SLC38A8: variants seen among roughly 807,000 people sequenced by gnomAD.
SLC38A8 encodes solute carrier family 38 member 8.
SLC38A8 carries 65 observed loss-of-function variants against 46.0 expected under a neutral mutation model. The ratio of observed to expected loss-of-function variants is 1.41; its 90% CI spans 1.16 to 1.74. The LOEUF is 1.74. SLC38A8 is among the 40% of genes most tolerant of loss of function. The pLI is 0.00. For missense variants in SLC38A8, 998 were observed against 567.9 expected (o/e 1.76, Z -7.70); for synonymous variants, 447 against 243.7 (o/e 1.83, Z -7.77).
intron 1 of SLC38A8, among the ~76,000 whole-genome samples, 163 bp downstream of exon 1, chr16:84,042,388 C>T (rs1367495363): frequency 6.6e-6 from 1 of 152,098 alleles, no homozygotes; most frequent in Non-Finnish European, 1.5e-5. Context: ...CTCCTGCCCT[C>T]CCACTAGACC....
chr16:84,014,991 G>C (rs961506393), intron 9 of SLC38A8, among the ~76,000 whole-genome samples: 15 of 152,118 alleles, frequency 9.9e-5, no homozygotes, highest in Non-Finnish European at 2.1e-4. Flanking sequence ...GCCTCTACCT[G>C]TGCTTTCTGT....
At chr16:84,028,665 A>G (rs961687467) in intron 6 of SLC38A8, among the ~76,000 whole-genome samples, 8 of 151,292 alleles carry the variant, frequency 5.3e-5, no homozygotes, top group Non-Finnish European at 1.2e-4. Context: ...CAGAGGACTG[A>G]GCCCAGGCCC....
At chr16:84,040,747 C>T (rs933986462) in intron 2 of SLC38A8, among the ~76,000 whole-genome samples, 1 of 152,226 alleles carries the variant, frequency 6.6e-6, no homozygotes, top group Admixed American at 6.5e-5. Flanking sequence ...GGCTTCCGAC[C>T]ACGCCATGTC....
chr16:84,013,413 G>C (rs1048050858), intron 9 of SLC38A8, among the ~76,000 whole-genome samples: 1 of 122,078 alleles, frequency 8.2e-6, no homozygotes, highest in African/African-American at 3.6e-5. Context: ...ACTTTCTTTT[G>C]TTGTGTGTGT....
intron 5 of SLC38A8, among the ~76,000 whole-genome samples, chr16:84,031,416 T>C (rs1256017092): frequency 6.6e-6 from 1 of 152,134 alleles, no homozygotes; most frequent in Admixed American, 6.5e-5. Flanking sequence ...TCCCAACTCA[T>C]CCAGAGCAAA....
intron 6 of SLC38A8, among the ~76,000 whole-genome samples, chr16:84,024,684 G>A (rs909434938): frequency 1.3e-5 from 2 of 152,066 alleles, no homozygotes; most frequent in Non-Finnish European, 2.9e-5. Context: ...GGGAGGCTAA[G>A]GCAGGAGAGT....
chr16:84,020,304 C>T (rs889591009), intron 7 of SLC38A8, among the ~76,000 whole-genome samples: 2 of 152,162 alleles, frequency 1.3e-5, no homozygotes, highest in African/African-American at 4.8e-5. Flanking sequence ...CCACTATGTT[C>T]TGCTCATTTA....
rs2151111700 is a variant in SLC38A8 at position 84,013,027 on chromosome 16, A to G, written c.1188T>C (p.Gly396=). The G allele has an allele frequency of 6.2e-7, 1 of 1,614,162 alleles. No homozygotes were observed. The highest frequency in any genetic ancestry group is 8.5e-7 in the Non-Finnish European group (1 of 1,180,000). The change falls in exon 10 of 11, where the codon GGT becomes GGC. Residue 396 remains glycine, a synonymous_variant. Coordinates refer to ENST00000299709, the MANE Select transcript of SLC38A8 (RefSeq NM_001080442.3). ...FPGLCLICAM[G]VEPIGPRVKC... Reference sequence around the variant, plus strand: ...TGACTCTTGGTCCTATAGGCTCGACACCCATTGCACAGATGAGGCACAAAC... The same window carrying G: ...TGACTCTTGGTCCTATAGGCTCGACGCCCATTGCACAGATGAGGCACAAAC...
chr16:84,024,922 C>G (rs970039295), intron 6 of SLC38A8, among the ~76,000 whole-genome samples: 1 of 152,090 alleles, frequency 6.6e-6, no homozygotes, highest in African/African-American at 2.4e-5. Flanking sequence ...CTCAAGTGAT[C>G]CTCCCACCTC....
chr16:84,032,829 A>G (rs997630108), intron 4 of SLC38A8, among the ~76,000 whole-genome samples: 1 of 136,620 alleles, frequency 7.3e-6, no homozygotes, highest in Non-Finnish European at 1.7e-5. Flanking sequence ...CCACAAAAAA[A>G]CAACCTCTGT....
At chr16:84,027,372 C>T (rs2085176807) in intron 6 of SLC38A8, among the ~76,000 whole-genome samples, 1 of 150,142 alleles carries the variant, frequency 6.7e-6, no homozygotes, top group South Asian at 2.1e-4. Flanking sequence ...AACAAACAAA[C>T]AAACAAACAA....
intron 4 of SLC38A8, among the ~76,000 whole-genome samples, chr16:84,032,356 T>C (rs1026376800): frequency 6.6e-6 from 1 of 152,166 alleles, no homozygotes; most frequent in African/African-American, 2.4e-5. Flanking sequence ...GCCTCGCTAA[T>C]TTTTGTACTT....
chr16:84,024,998 C>T (rs1001553577), intron 6 of SLC38A8, among the ~76,000 whole-genome samples: 5 of 152,192 alleles, frequency 3.3e-5, no homozygotes, highest in African/African-American at 1.2e-4. Context: ...TTTTTTAACG[C>T]AAAACATACA....
chr16:84,017,459 T>C lies in SLC38A8; in HGVS notation c.806-172A>G, dbSNP rs2085044384. On this transcript the variant is annotated intron_variant, in intron 7 of 10. Transcript: ENST00000299709. ...TTCCTGTCCTAAGCCTACACATGACTGTGCTCCAGGGATTCAAGACCCCTG... is the reference window on the plus strand; with the variant it reads ...TTCCTGTCCTAAGCCTACACATGACCGTGCTCCAGGGATTCAAGACCCCTG... 3.3e-5 allele frequency among the ~76,000 whole-genome samples: 5 copies of C among 152,334 alleles called. No individual in the cohort carries two copies. The South Asian group carries it at 1.0e-3, about 32-fold the overall frequency.
At chr16:84,032,056 C>A (rs1048635260) in intron 4 of SLC38A8, 88 bp from the exon 5 acceptor site, 8 of 1,149,422 alleles carry the variant, frequency 7.0e-6, no homozygotes, top group Middle Eastern at 1.9e-4. Flanking sequence ...AATCCCAGCT[C>A]CGCCCTTGAC....
chr16:84,029,702 T>A, intron 5 of SLC38A8, 151 bp from the exon 6 acceptor site: 3 of 719,194 alleles, frequency 4.2e-6, no homozygotes, highest in South Asian at 1.8e-5. Context: ...TGACCGGGCT[T>A]TTGGAAATGG....
At chr16:84,033,212 C>G in intron 4 of SLC38A8, 116 bp downstream of exon 4, 1 of 1,419,392 alleles carries the variant, frequency 7.0e-7, no homozygotes, top group African/African-American at 1.4e-5. Context: ...TTCGTTTTCC[C>G]CTTCTCCAAA....
At chr16:84,014,736 G>A (rs1030150561) in intron 9 of SLC38A8, among the ~76,000 whole-genome samples, 1 of 152,218 alleles carries the variant, frequency 6.6e-6, no homozygotes, top group African/African-American at 2.4e-5. Flanking sequence ...GGCAGGTACG[G>A]TTAGATTCTC....
intron 3 of SLC38A8, among the ~76,000 whole-genome samples, chr16:84,036,160 C>T (rs1408895846): frequency 1.3e-5 from 2 of 152,214 alleles, no homozygotes; most frequent in African/African-American, 4.8e-5. Flanking sequence ...GTCAATTAAA[C>T]ACTACAATTC....
Sources: gnomAD v4.1 joint callset for allele counts (sites outside exome capture counted in the v4.1 genomes callset) on GRCh38, gnomAD v4.1.1 for gene constraint, MANE v1.5 for transcripts, NCBI Gene and HGNC (gene_info 2026-07-23, HGNC 2026-07-21) for gene names.